Variants in UBR4 observed in about 807,000 individuals in gnomAD.
The protein encoded by UBR4 is ubiquitin protein ligase E3 component n-recognin 4, also known as E3 ubiquitin-protein ligase UBR4.
Under a neutral mutation model 575.6 loss-of-function variants are expected in UBR4, and 124 were observed. That is an observed-to-expected ratio of 0.22 (90% CI 0.19 to 0.25). The LOEUF (loss-of-function observed/expected upper bound fraction) is 0.25. Among genes scored for constraint, UBR4 ranks in the 10% least tolerant of loss-of-function variants. The pLI is 1.00. For synonymous variants in UBR4, 2,455 were observed against 2,473.7 expected, an observed-to-expected ratio of 0.99 and a Z score of 0.22; for missense variants, 4,818 against 6,478.8, an observed-to-expected ratio of 0.74 and a Z score of 8.80.
chr1:19,183,672 A>ATATT, intron 17 of UBR4, 139 bp downstream of exon 17: 10 of 813,134 alleles, frequency 1.2e-5, no homozygotes, highest in Non-Finnish European at 2.0e-5. Flanking sequence ...CAGTGAGCCA[A>ATATT]GACCGTGTCA....
chr1:19,079,270 T>G (rs1016500976), intron 103 of UBR4: 4 of 152,182 alleles, frequency 2.6e-5, no homozygotes, highest in Non-Finnish European at 5.9e-5. Flanking sequence ...TAATATTAAA[T>G]GGGGACAATT....
chr1:19,081,325 C>G, intron 103 of UBR4, 24 bp downstream of exon 103: 1 of 1,546,770 alleles, frequency 6.5e-7, no homozygotes, highest in Non-Finnish European at 8.7e-7. Context: ...TAGTGAGCAG[C>G]AGCTTCCGGA....
At chr1:19,156,460 G>A (rs1366122322) in intron 41 of UBR4, 37 bp from the exon 42 acceptor site, 1 of 1,601,802 alleles carries the variant, frequency 6.2e-7, no homozygotes, top group East Asian at 2.3e-5. Context: ...GTGAAAAGAT[G>A]ATCTGAAAAG....
rs1257256073 is a variant in UBR4, at chr1:19,104,800, C to T, written c.12646-134G>A. ...TCTTAATCGAACCCTTGCAGAACTC[C>T]TTTCCAGGAAGCCAACAGTCACAGC... On this transcript the variant is annotated intron_variant, in intron 85 of 105. Transcript: ENST00000375254. 8 of 1,151,648 alleles carry T rather than the reference C, an allele frequency of 6.9e-6. No homozygotes were observed. In the East Asian group the frequency reaches 2.1e-4, roughly 30 times the overall value. 71.3% of individuals were successfully genotyped at this position (1,151,648 alleles called of 1,614,324 possible).
At chr1:19,199,838 T>C (rs1257615750) in intron 2 of UBR4, 84 bp from the exon 3 acceptor site, 16 of 1,231,378 alleles carry the variant, frequency 1.3e-5, no homozygotes, top group Non-Finnish European at 1.7e-5. Flanking sequence ...GAGCTCTATG[T>C]CCAACATTCC....
At chr1:19,148,528 A>T (rs1174235547) in intron 50 of UBR4, 35 bp downstream of exon 50, 2 of 1,614,006 alleles carry the variant, frequency 1.2e-6, no homozygotes, top group Non-Finnish European at 1.7e-6. Context: ...CTGCCTCTTC[A>T]GAAAGCTTCC....
At position 19,106,883 on chromosome 1, in the gene UBR4, G is replaced by A; in HGVS notation, c.12189C>T (p.Asp4063=). Reference sequence around the variant, plus strand: ...TCCAGGCATCATAGGATGCCTTGGGGTCTCTCTTGAGCCACAGTTGAGCCT... The same window carrying A: ...TCCAGGCATCATAGGATGCCTTGGGATCTCTCTTGAGCCACAGTTGAGCCT... The part of the protein sequence containing the change: ...HAQAQLWLKR[D]PKASYDAWKK... The change falls in exon 82 of 106, where the codon GAC becomes GAT. Residue 4063 remains aspartate, a synonymous_variant. Transcript: ENST00000375254. The A allele has an allele frequency of 6.2e-7, 1 of 1,613,804 alleles. No individual in the cohort carries two copies. Among genetic ancestry groups the A allele is most frequent in the East Asian group, 2.2e-5 (1 of 44,868 alleles).
chr1:19,080,934 AAG>A, intron 103 of UBR4: 1 of 168,650 alleles, frequency 5.9e-6, no homozygotes, highest in Non-Finnish European at 1.3e-5. Context: ...TGTAACCAAG[AAG>A]AGAGAATGAA....
chr1:19,176,487 C>T, intron 20 of UBR4, 105 bp downstream of exon 20: 1 of 1,419,234 alleles, frequency 7.0e-7, no homozygotes, highest in Admixed American at 2.0e-5. Flanking sequence ...AGGGATTACA[C>T]TAAAGCAAAT....
intron 60 of UBR4, among the ~76,000 whole-genome samples, chr1:19,136,857 G>A (rs2083254110): frequency 6.6e-6 from 1 of 152,152 alleles, no homozygotes; most frequent in Non-Finnish European, 1.5e-5. Context: ...AACAGAACCA[G>A]AGAAATTCAT....
rs116027179 is a variant in UBR4, at chr1:19,095,138, G to C, written c.13627-113C>G. On this transcript the variant is annotated intron_variant, in intron 93 of 105. Transcript: ENST00000375254. ...GCCTTACTCCCCAGAGACCATGTGT[G>C]TATGACCGTGTGTATGTATGTGCGT... 4.2e-4 allele frequency: 617 copies of C among 1,479,602 alleles called. 2 individuals are homozygous for C. In the African/African-American group the frequency reaches 7.1e-3, roughly 17 times the overall value. 91.7% of individuals were successfully genotyped at this position (1,479,602 alleles called of 1,614,324 possible). A position where few individuals can be genotyped will look rare whatever the true frequency, so the allele number is the denominator to read the frequency against.
At chr1:19,201,910 C>T in intron 1 of UBR4, 95 bp from the exon 2 acceptor site, 3 of 1,038,134 alleles carry the variant, frequency 2.9e-6, no homozygotes, top group Non-Finnish European at 4.2e-6. Flanking sequence ...ATCCTTACTA[C>T]CTGGTAGATA....
chr1:19,166,714 C>CAAAAAAAAAAAAAAAAAA (rs535369262), intron 29 of UBR4, among the ~76,000 whole-genome samples: 2 of 73,710 alleles, frequency 2.7e-5, no homozygotes, highest in African/African-American at 1.3e-4. Context: ...CCATCTCTAC[C>CAAAAAAAAAAAAAAAAAA]AAAAAAAAAA....
At position 19,117,907 on chromosome 1, in the gene UBR4, A is replaced by C; in HGVS notation, c.10545T>G (p.Thr3515=). 6.2e-7 allele frequency: 1 copy of C among 1,614,122 alleles called. No individual in the cohort carries two copies. The highest frequency in any genetic ancestry group is 1.1e-5 in the South Asian group (1 of 91,090). ...CATCAAACTCCACTAAGCCAGACAA[A>C]GTGCTAAGGAAGAAACCAGTCTTAG... is the stretch of plus-strand genomic sequence containing the variant. The part of the protein sequence containing the change: ...TNHPNSNIYN[T]LSGLVEFDGY... The change falls in exon 72 of 106, where the codon ACT becomes ACG. Residue 3515 remains threonine (T), a synonymous_variant. Coordinates refer to ENST00000375254, the MANE Select transcript of UBR4 (RefSeq NM_020765.3). This position sits in a 1 kb window ranked among gnomAD's most constrained non-coding sequence, Gnocchi z 4.0.
chr1:19,205,092 G>A (rs1350851967), intron 1 of UBR4, among the ~76,000 whole-genome samples: 2 of 152,186 alleles, frequency 1.3e-5, no homozygotes, highest in East Asian at 3.8e-4. Context: ...ATCACCTGTC[G>A]CTCCTAATGA....
At position 19,165,010 on chromosome 1, in the gene UBR4, C is replaced by T. The variant is rs1407140496; in HGVS notation, c.4313-13G>A. ...GGGCTCTTCTCAGCTAGGAGCAGAA[C>T]AAGAGGCCAGGGTCAGTAAAGAAGG... On this transcript the variant is annotated splice_polypyrimidine_tract_variant and intron_variant, in intron 31 of 105. Coordinates refer to ENST00000375254, the MANE Select transcript of UBR4 (RefSeq NM_020765.3). The T allele has an allele frequency of 6.2e-7, 1 of 1,613,422 alleles. No homozygotes were observed. Among genetic ancestry groups the T allele is most frequent in the Non-Finnish European group, 8.5e-7 (1 of 1,179,840 alleles).
Position 19,141,431 on chromosome 1 carries a change from G to T in UBR4, c.8404C>A (p.Pro2802Thr), listed in dbSNP as rs776903531. The part of the protein sequence containing the change: ...ALLAGAEGFP[P>T]MLDIPPDADD... ...GCATCAGGTGGGATGTCCAGCATGG[G>T]GGGGAAGCCCTCTGCGCCTGCCAGC... The change falls in exon 57 of 106, where the codon CCC becomes ACC. Residue 2802 changes from proline to threonine, a missense_variant. By Grantham distance (38) the Pro-to-Thr change is conservative. Coordinates refer to ENST00000375254, the MANE Select transcript of UBR4 (RefSeq NM_020765.3). 4.3e-6 allele frequency: 7 copies of T among 1,614,118 alleles called. No homozygotes were observed. The East Asian group carries it at 1.1e-4, about 26-fold the overall frequency.
chr1:19,162,648 A>C, intron 34 of UBR4, 37 bp from the exon 35 acceptor site: 3 of 1,569,060 alleles, frequency 1.9e-6, no homozygotes, highest in African/African-American at 1.4e-5. Flanking sequence ...CAGATTCTCC[A>C]TGTTTCATTA....
chr1:19,159,629 G>A (rs1277795833), intron 39 of UBR4, among the ~76,000 whole-genome samples: 1 of 146,824 alleles, frequency 6.8e-6, no homozygotes, highest in African/African-American at 2.5e-5. Context: ...TTGAGAGAGA[G>A]TCTCACTCCG....
Sources: allele counts gnomAD v4.1 joint callset (sites outside exome capture counted in the v4.1 genomes callset), GRCh38; gene constraint gnomAD v4.1.1; non-coding constraint Gnocchi (gnomAD v3.1); transcripts MANE v1.5; gene names NCBI Gene and HGNC (gene_info 2026-07-23, HGNC 2026-07-21).